UBE2E2: variants seen among roughly 807,000 people sequenced by gnomAD.
UBE2E2 encodes the protein ubiquitin conjugating enzyme E2 E2.
UBE2E2 carries 6 observed loss-of-function variants against 24.7 expected under a neutral mutation model. That is an observed-to-expected ratio of 0.24 (90% CI 0.13 to 0.48). UBE2E2 has a LOEUF of 0.48. Among genes scored for constraint, UBE2E2 ranks in the 20% least tolerant of loss-of-function variants. UBE2E2 has a pLI of 0.99. For synonymous variants in UBE2E2, 104 were observed against 83.6 expected (o/e 1.24, Z -1.33); for missense variants, 169 against 245.0 (o/e 0.69, Z 2.07).
intron 2 of UBE2E2, among the ~76,000 whole-genome samples, chr3:23,215,866 G>A (rs1004503448): frequency 6.6e-6 from 1 of 152,122 alleles, no homozygotes; most frequent in African/African-American, 2.4e-5. Flanking sequence ...GTATACTTTT[G>A]TGTGAAATCC....
At chr3:23,466,006 T>C (rs1457591016) in intron 3 of UBE2E2, among the ~76,000 whole-genome samples, 1 of 152,212 alleles carries the variant, frequency 6.6e-6, no homozygotes, top group African/African-American at 2.4e-5. Context: ...TGAGGAATGC[T>C]TTTTAACCAT....
chr3:23,312,485 T>G (rs1448685789), intron 3 of UBE2E2, among the ~76,000 whole-genome samples: 1 of 152,164 alleles, frequency 6.6e-6, no homozygotes, highest in Non-Finnish European at 1.5e-5. Context: ...ATTTTTTTTT[T>G]TTAATCCGTT....
chr3:23,344,801 G>C (rs1695501715), intron 3 of UBE2E2, among the ~76,000 whole-genome samples: 1 of 147,432 alleles, frequency 6.8e-6, no homozygotes, highest in African/African-American at 2.5e-5. Context: ...CCAGGTGACA[G>C]AGCGAGACCC....
At chr3:23,449,971 C>T in intron 3 of UBE2E2, 1 of 967,930 alleles carries the variant, frequency 1.0e-6, no homozygotes, top group African/African-American at 1.8e-5. Context: ...GCCACTGGGC[C>T]CACTGCTACC....
chr3:23,213,176 A>G (rs966429441), intron 2 of UBE2E2, among the ~76,000 whole-genome samples: 4 of 152,170 alleles, frequency 2.6e-5, no homozygotes, highest in African/African-American at 9.6e-5. Flanking sequence ...GTATCCACAC[A>G]TTCATGTTCT....
intron 5 of UBE2E2, among the ~76,000 whole-genome samples, chr3:23,552,278 A>G (rs1282839231): frequency 6.6e-6 from 1 of 152,206 alleles, no homozygotes; most frequent in Admixed American, 6.5e-5. Flanking sequence ...ACTGGAGCCC[A>G]GGGGTTCGAG....
At chr3:23,497,322 G>C (rs903406277) in intron 3 of UBE2E2, among the ~76,000 whole-genome samples, 12 of 152,166 alleles carry the variant, frequency 7.9e-5, no homozygotes. Context: ...TGCGAGAACT[G>C]AGAGAGAGCA....
chr3:23,389,953 C>T (rs1369965484), intron 3 of UBE2E2: 1 of 152,648 alleles, frequency 6.6e-6, no homozygotes, highest in African/African-American at 2.4e-5. Context: ...GGAGGCAGTT[C>T]ATTGCAACCT....
intron 3 of UBE2E2, among the ~76,000 whole-genome samples, chr3:23,292,151 G>C (rs1698788014): frequency 1.3e-5 from 2 of 151,970 alleles, no homozygotes; most frequent in South Asian, 4.2e-4. Context: ...GATAATTTTT[G>C]TATTTTTAGT....
chr3:23,555,275 G>C (rs530643727), intron 5 of UBE2E2, among the ~76,000 whole-genome samples: 9 of 152,190 alleles, frequency 5.9e-5, no homozygotes, highest in African/African-American at 2.2e-4. Flanking sequence ...TATATGAAAA[G>C]GTGTTCAGCA....
chr3:23,486,885 A>T (rs1699385108), intron 3 of UBE2E2, among the ~76,000 whole-genome samples: 1 of 152,186 alleles, frequency 6.6e-6, no homozygotes, highest in Non-Finnish European at 1.5e-5. Flanking sequence ...TGCAGACTCC[A>T]CCTTGGATTG....
intron 3 of UBE2E2, among the ~76,000 whole-genome samples, chr3:23,293,975 A>G (rs1260030786): frequency 6.6e-6 from 1 of 152,140 alleles, no homozygotes. Flanking sequence ...AATACATTCA[A>G]CTTTAGAAGT....
intron 3 of UBE2E2, among the ~76,000 whole-genome samples, chr3:23,346,128 G>T (rs11711072): frequency 6.6e-6 from 1 of 151,922 alleles, no homozygotes; most frequent in Non-Finnish European, 1.5e-5. Context: ...CAATTTCTAA[G>T]ATTGTGTTTC....
At chr3:23,343,272 A>G (rs568959428) in intron 3 of UBE2E2, among the ~76,000 whole-genome samples, 33 of 152,246 alleles carry the variant, frequency 2.2e-4, no homozygotes, top group South Asian at 8.3e-4. Context: ...AATATGTAGT[A>G]TATTCAATTT....
chr3:23,299,948 C>A (rs1480088352), intron 3 of UBE2E2, among the ~76,000 whole-genome samples: 1 of 152,166 alleles, frequency 6.6e-6, no homozygotes, highest in South Asian at 2.1e-4. Flanking sequence ...TCAGGACTTG[C>A]TTTATGAATC....
chr3:23,538,686 A>C (rs1227913741), intron 5 of UBE2E2, among the ~76,000 whole-genome samples: 2 of 152,160 alleles, frequency 1.3e-5, no homozygotes, highest in African/African-American at 4.8e-5. Flanking sequence ...AAGATGGATG[A>C]ATAAAATCAG....
chr3:23,305,285 G>A (rs1699210607), intron 3 of UBE2E2, among the ~76,000 whole-genome samples: 1 of 152,146 alleles, frequency 6.6e-6, no homozygotes, highest in African/African-American at 2.4e-5. Context: ...GCTTTAACAG[G>A]TATACAAATG....
intron 3 of UBE2E2, among the ~76,000 whole-genome samples, chr3:23,243,235 C>T (rs1356181568): frequency 6.6e-6 from 1 of 152,164 alleles, no homozygotes; most frequent in African/African-American, 2.4e-5. Context: ...GCACTATTCA[C>T]CTGCTGCACT....
intron 3 of UBE2E2, among the ~76,000 whole-genome samples, chr3:23,276,431 C>T (rs1434611006): frequency 3.3e-5 from 5 of 152,056 alleles, no homozygotes; most frequent in Admixed American, 6.5e-5. Flanking sequence ...GGTTAATTTA[C>T]GTTAGCATAG....
Sources: allele counts gnomAD v4.1 joint callset (sites outside exome capture counted in the v4.1 genomes callset), GRCh38; gene constraint gnomAD v4.1.1; transcripts MANE v1.5; gene names NCBI Gene and HGNC (gene_info 2026-07-23, HGNC 2026-07-21).